The following NEK11 variants were observed in gnomAD, a reference collection of about 807,000 sequenced individuals.
NEK11 encodes NIMA related kinase 11.
A neutral mutation model predicts 80.7 loss-of-function variants in NEK11; 72 were observed. That is an observed-to-expected ratio of 0.89 (90% CI 0.74 to 1.08). The LOEUF (loss-of-function observed/expected upper bound fraction) is 1.08, where lower values mean the gene tolerates loss of function less well. NEK11 is among the 50% of genes least tolerant of loss of function. The probability of loss-of-function intolerance (pLI) is 0.00; values close to 1 mark genes in which losing one functional copy is unlikely to be tolerated. For synonymous variants in NEK11, 251 were observed against 260.7 expected (o/e 0.96, Z 0.36); for missense variants, 764 against 763.6 (o/e 1.00, Z -0.01).
chr3:131,187,465 C>T (rs182966283), intron 14 of NEK11, among the ~76,000 whole-genome samples: 143 of 152,288 alleles, frequency 9.4e-4, no homozygotes, highest in African/African-American at 3.2e-3. Context: ...GATTCTATTT[C>T]CCTCATTTTC....
intron 17 of NEK11, among the ~76,000 whole-genome samples, chr3:131,328,044 G>A (rs2097001994): frequency 6.6e-6 from 1 of 152,100 alleles, no homozygotes; most frequent in African/African-American, 2.4e-5. Context: ...AGTGATTTGG[G>A]GGGCCAGCAT....
intron 17 of NEK11, among the ~76,000 whole-genome samples, chr3:131,315,687 T>C (rs2096831544): frequency 6.6e-6 from 1 of 152,040 alleles, no homozygotes; most frequent in Non-Finnish European, 1.5e-5. Context: ...CCATTAGTTA[T>C]TTTTCCTGAT....
intron 10 of NEK11, among the ~76,000 whole-genome samples, chr3:131,157,178 G>A (rs2090816952): frequency 6.6e-6 from 1 of 152,234 alleles, no homozygotes; most frequent in Admixed American, 6.5e-5. Context: ...GGTGAGGCAA[G>A]TGAGGTGGAA....
At chr3:131,285,604 T>C (rs2096460957) in intron 17 of NEK11, among the ~76,000 whole-genome samples, 1 of 152,184 alleles carries the variant, frequency 6.6e-6, no homozygotes, top group African/African-American at 2.4e-5. Flanking sequence ...CCATTTCAGT[T>C]TTCTGGCATC....
intron 17 of NEK11, among the ~76,000 whole-genome samples, chr3:131,312,005 T>C (rs2096786797): frequency 6.6e-6 from 1 of 152,180 alleles, no homozygotes; most frequent in Non-Finnish European, 1.5e-5. Context: ...TTACCAGGTA[T>C]ATATAGAAAA....
rs946630922 is a variant in NEK11, at chr3:131,048,348, G to C, written c.170+18470G>C. On this transcript the variant is annotated intron_variant, in intron 3 of 17. Coordinates refer to ENST00000383366, the MANE Select transcript of NEK11 (RefSeq NM_024800.5). The stretch of plus-strand genomic sequence containing the variant: ...TTGGTCAAAATGGTTACAAAGTTCA[G>C]CTGGAAGTTTCCTTCTCCCTGTGGT... Among the ~76,000 whole-genome samples, 4 of 152,230 alleles carry C rather than the reference G, an allele frequency of 2.6e-5. 1 individual carries two copies. Among genetic ancestry groups the C allele is most frequent in the Middle Eastern group, 3.2e-3 (1 of 316 alleles).
intron 4 of NEK11, among the ~76,000 whole-genome samples, chr3:131,093,653 G>A (rs1330236844): frequency 6.6e-6 from 1 of 151,962 alleles, no homozygotes; most frequent in Admixed American, 6.6e-5. Context: ...CTGACCACCC[G>A]CCTCTGCCTT....
chr3:131,236,745 A>G (rs527669698), intron 15 of NEK11, among the ~76,000 whole-genome samples: 55 of 152,194 alleles, frequency 3.6e-4, no homozygotes, highest in Non-Finnish European at 7.4e-4. Context: ...GTAGTGAGAT[A>G]GGAGTTACGA....
At chr3:131,144,631 C>T (rs1208476277) in intron 7 of NEK11, among the ~76,000 whole-genome samples, 2 of 152,272 alleles carry the variant, frequency 1.3e-5, no homozygotes, top group East Asian at 3.9e-4. Context: ...GTTTGGGAAA[C>T]ACTGACAGTG....
chr3:131,341,407 C>T (rs78665241), intron 17 of NEK11, among the ~76,000 whole-genome samples: 15,235 of 152,056 alleles, frequency 0.1, 1,233 homozygotes, highest in African/African-American at 0.22. Context: ...TTATATGAAA[C>T]CAATTATTCA....
chr3:131,109,480 T>A (rs1431726284), intron 4 of NEK11: 1 of 175,942 alleles, frequency 5.7e-6, no homozygotes, highest in Non-Finnish European at 1.2e-5. Flanking sequence ...TGTCAATTCT[T>A]CTGTCTACCT....
Position 131,323,765 on chromosome 3 carries a change from T to A in NEK11, c.1719-25792T>A, listed in dbSNP as rs1581946949. 2.0e-5 allele frequency among the ~76,000 whole-genome samples: 3 copies of A among 152,254 alleles called. No individual in the cohort carries two copies. In the South Asian group the frequency reaches 6.2e-4, roughly 31 times the overall value. On this transcript the variant is annotated intron_variant, in intron 17 of 17. Coordinates refer to ENST00000383366, the MANE Select transcript of NEK11 (RefSeq NM_024800.5). The stretch of plus-strand genomic sequence containing the variant: ...TGAATTTGCTTTTGTTCTGTGTATA[T>A]TGCTGTAGCACCATTTTTAAAGTCC...
At chr3:131,198,268 A>C (rs952717786) in intron 14 of NEK11, among the ~76,000 whole-genome samples, 2 of 152,150 alleles carry the variant, frequency 1.3e-5, no homozygotes, top group Non-Finnish European at 1.5e-5. Flanking sequence ...ATCAGTATAC[A>C]AGCTGAGGTC....
intron 7 of NEK11, among the ~76,000 whole-genome samples, chr3:131,139,328 C>G (rs1444790358): frequency 1.6e-5 from 2 of 127,118 alleles, no homozygotes; most frequent in Non-Finnish European, 3.3e-5. Context: ...GGAAAATACA[C>G]AGTCAGAGGA....
chr3:131,236,720 A>T (rs2095437425), intron 15 of NEK11, among the ~76,000 whole-genome samples: 1 of 152,202 alleles, frequency 6.6e-6, no homozygotes, highest in African/African-American at 2.4e-5. Context: ...ACTTTAAGGC[A>T]GAAGGCCACC....
intron 17 of NEK11, among the ~76,000 whole-genome samples, chr3:131,345,377 C>G (rs2336819): frequency 0.79 from 119,463 of 152,146 alleles, 47,055 homozygotes; most frequent in African/African-American, 0.83. Context: ...TTTAAAATGG[C>G]CAGAGGATCT....
intron 17 of NEK11, among the ~76,000 whole-genome samples, chr3:131,326,879 T>C (rs1035570385): frequency 6.6e-5 from 10 of 152,192 alleles, no homozygotes; most frequent in African/African-American, 2.2e-4. Context: ...GGGAAAGTGA[T>C]TAAGTCATGA....
At chr3:131,223,978 C>T (rs2095111634) in intron 14 of NEK11, among the ~76,000 whole-genome samples, 6 of 152,126 alleles carry the variant, frequency 3.9e-5, no homozygotes, top group South Asian at 2.1e-4. Flanking sequence ...TACAGTCATA[C>T]ACTGCATAAC....
At position 131,312,602 on chromosome 3, in the gene NEK11, C is replaced by T. The variant is rs918773916; in HGVS notation, c.1719-36955C>T. 1.5e-4 allele frequency among the ~76,000 whole-genome samples: 23 copies of T among 152,092 alleles called. 1 individual carries two copies. Among genetic ancestry groups the T allele is most frequent in the Non-Finnish European group, 2.9e-5 (2 of 68,010 alleles). On this transcript the variant is annotated intron_variant, in intron 17 of 17. Coordinates refer to ENST00000383366, the MANE Select transcript of NEK11 (RefSeq NM_024800.5). ...CCTGAATCTGTTTCTTTAGAAGACA[C>T]TTAATATTTATTGAATGGTCAGTCA...
Sources: allele counts gnomAD v4.1 joint callset (sites outside exome capture counted in the v4.1 genomes callset), GRCh38; gene constraint gnomAD v4.1.1; transcripts MANE v1.5; gene names NCBI Gene and HGNC (gene_info 2026-07-23, HGNC 2026-07-21).